Variants in TENM2 observed in about 807,000 individuals in gnomAD.
The protein encoded by TENM2 is teneurin transmembrane protein 2.
TENM2 carries 52 observed loss-of-function variants against 245.2 expected under a neutral mutation model. The observed-to-expected ratio is 0.21, with a 90% CI of 0.17 to 0.27. The LOEUF (loss-of-function observed/expected upper bound fraction) is 0.27, where lower values mean the gene tolerates loss of function less well. TENM2 is among the 10% of genes least tolerant of loss of function. The pLI is 1.00. For missense variants in TENM2, 3,046 were observed against 3,666.8 expected (o/e 0.83, Z 4.37); for synonymous variants, 1,363 against 1,438.9 (o/e 0.95, Z 1.19).
At chr5:167,600,559 G>A (rs1430977133) in intron 2 of TENM2, among the ~76,000 whole-genome samples, 1 of 152,108 alleles carries the variant, frequency 6.6e-6, no homozygotes, top group African/African-American at 2.4e-5. Context: ...AAAATATGCA[G>A]GAAAGTGATT....
Position 168,056,526 on chromosome 5 carries a change from A to G in TENM2, c.1310-5534A>G, listed in dbSNP as rs116217896. Reference sequence around the variant, plus strand: ...AGATATTCAGTACTGGTCTCATAAGATTATAATGGAGCTGAAAAATTCCTA... The same window carrying G: ...AGATATTCAGTACTGGTCTCATAAGGTTATAATGGAGCTGAAAAATTCCTA... On this transcript the variant is annotated intron_variant, in intron 6 of 28. Transcript: ENST00000518659. Among the ~76,000 whole-genome samples, 583 of 152,352 alleles carry G rather than the reference A, an allele frequency of 3.8e-3. 8 individuals carry two copies. Among genetic ancestry groups the G allele is most frequent in the African/African-American group, 0.013 (546 of 41,580 alleles).
chr5:167,127,865 G>A, the TENM2 span, among the ~76,000 whole-genome samples: 1 of 152,070 alleles, frequency 6.6e-6, no homozygotes, highest in Non-Finnish European at 1.5e-5. Context: ...TACTAATGCT[G>A]TCCAGGGGAT....
the TENM2 span, among the ~76,000 whole-genome samples, chr5:167,043,104 T>G: frequency 6.6e-6 from 1 of 152,220 alleles, no homozygotes; most frequent in South Asian, 2.1e-4. Context: ...GATTATTATT[T>G]TTTAGATAAT....
At chr5:167,799,576 A>T (rs1390909473) in intron 2 of TENM2, among the ~76,000 whole-genome samples, 2 of 152,234 alleles carry the variant, frequency 1.3e-5, no homozygotes, top group East Asian at 3.9e-4. Context: ...AAATACAAGG[A>T]CTAACTTTTA....
chr5:167,646,273 T>G (rs1030733123), intron 2 of TENM2, among the ~76,000 whole-genome samples: 2 of 147,902 alleles, frequency 1.4e-5, no homozygotes, highest in Non-Finnish European at 3.0e-5. Context: ...AATCCTTTCC[T>G]GTGTCACTCC....
intron 2 of TENM2, among the ~76,000 whole-genome samples, chr5:167,491,432 C>G (rs1768422743): frequency 6.6e-6 from 1 of 152,220 alleles, no homozygotes; most frequent in African/African-American, 2.4e-5. Context: ...TTCTTTCCAT[C>G]TGTAACAGAA....
intron 28 of TENM2, among the ~76,000 whole-genome samples, chr5:168,260,828 C>T (rs369404275): frequency 6.6e-6 from 1 of 152,130 alleles, no homozygotes. Context: ...CATAAAACCT[C>T]GGCGCTTTAT....
the TENM2 span, among the ~76,000 whole-genome samples, chr5:166,980,298 G>A: frequency 3.3e-5 from 5 of 152,270 alleles, no homozygotes; most frequent in South Asian, 6.2e-4. Context: ...GACACGTACA[G>A]CAATATCTCT....
chr5:167,440,047 T>C (rs1764793485), intron 2 of TENM2, among the ~76,000 whole-genome samples: 1 of 152,178 alleles, frequency 6.6e-6, no homozygotes, highest in African/African-American at 2.4e-5. Context: ...ATTACCACAG[T>C]CTGATGTTTT....
rs1249548751 is a variant in TENM2 at position 168,047,423 on chromosome 5, G to A, written c.1187-4G>A. 2 of 1,551,654 alleles carry A rather than the reference G, an allele frequency of 1.3e-6. No homozygotes were observed. Among genetic ancestry groups the A allele is most frequent in the Non-Finnish European group, 8.7e-7 (1 of 1,146,976 alleles). On this transcript the variant is annotated splice_polypyrimidine_tract_variant and splice_region_variant and intron_variant, in intron 5 of 28. Coordinates refer to ENST00000518659, the Ensembl canonical transcript of TENM2. ...ATATTTTCATTACTTTGTCTCTCCT[G>A]CAGCAATGCATCTGCTCGGACTCAA...
At chr5:167,318,539 A>G (rs1343167062) in intron 1 of TENM2, among the ~76,000 whole-genome samples, 1 of 152,162 alleles carries the variant, frequency 6.6e-6, no homozygotes, top group African/African-American at 2.4e-5. Flanking sequence ...TCATCTATAA[A>G]TATCATATAA....
intron 2 of TENM2, among the ~76,000 whole-genome samples, chr5:167,435,151 C>T (rs1764470340): frequency 1.4e-5 from 2 of 144,392 alleles, no homozygotes. Context: ...TCAGTAGTTT[C>T]ATGGGGGGGA....
the TENM2 span, among the ~76,000 whole-genome samples, chr5:167,273,072 C>G: frequency 1.3e-5 from 2 of 152,098 alleles, no homozygotes; most frequent in Admixed American, 1.3e-4. Context: ...CAAGTCAACC[C>G]CCTTAAGTAG....
At chr5:167,115,942 G>A in the TENM2 span, among the ~76,000 whole-genome samples, 4 of 152,234 alleles carry the variant, frequency 2.6e-5, no homozygotes, top group South Asian at 2.1e-4. Context: ...CCTTCAGCTC[G>A]GAGATTGGAA....
At chr5:168,127,030 T>C (rs1795902034) in intron 12 of TENM2, 64 bp downstream of exon 14, 1 of 1,387,950 alleles carries the variant, frequency 7.2e-7, no homozygotes. Flanking sequence ...GGCAACTGGC[T>C]GTTCCTTCAG....
intron 4 of TENM2, among the ~76,000 whole-genome samples, chr5:167,971,303 G>T (rs1781762499): frequency 6.6e-6 from 1 of 151,996 alleles, no homozygotes; most frequent in Admixed American, 6.6e-5. Flanking sequence ...TGCAGATATG[G>T]AAAAAAATAG....
At chr5:167,806,023 C>T (rs1480312541) in intron 2 of TENM2, among the ~76,000 whole-genome samples, 5 of 152,070 alleles carry the variant, frequency 3.3e-5, no homozygotes, top group Non-Finnish European at 5.9e-5. Context: ...CCAAAGTGTG[C>T]TCCCAAATGT....
intron 1 of TENM2, among the ~76,000 whole-genome samples, chr5:167,336,116 G>T (rs1354017187): frequency 2.7e-5 from 4 of 150,844 alleles, no homozygotes; most frequent in African/African-American, 9.8e-5. Flanking sequence ...ACATATAAAT[G>T]GTGCCTGCAC....
the TENM2 span, among the ~76,000 whole-genome samples, chr5:167,133,726 A>C: frequency 6.6e-6 from 1 of 151,888 alleles, no homozygotes; most frequent in Non-Finnish European, 1.5e-5. Context: ...CACCCTCAGC[A>C]GACTGAATTT....
Sources: allele counts gnomAD v4.1 joint callset (sites outside exome capture counted in the v4.1 genomes callset), GRCh38; gene constraint gnomAD v4.1.1; transcripts MANE v1.5; gene names NCBI Gene and HGNC (gene_info 2026-07-23, HGNC 2026-07-21).